KCNC1: variants seen among roughly 807,000 people sequenced by gnomAD.
KCNC1 encodes the protein voltage-gated potassium channel KCNC1.
KCNC1 carries 8 observed loss-of-function variants against 43.4 expected under a neutral mutation model. The ratio of observed to expected loss-of-function variants is 0.18; its 90% CI spans 0.11 to 0.33. The LOEUF is 0.33. Ranked by LOEUF, KCNC1 falls within the 10% of genes least tolerant of loss-of-function variation. KCNC1 has a pLI of 1.00. For missense variants in KCNC1, 420 were observed against 836.0 expected (o/e 0.50, Z 6.14); for synonymous variants, 361 against 360.5 (o/e 1.00, Z -0.01).
intron 1 of KCNC1, among the ~76,000 whole-genome samples, chr11:17,750,559 C>G (rs1265967873): frequency 6.6e-6 from 1 of 152,182 alleles, no homozygotes; most frequent in Non-Finnish European, 1.5e-5. Context: ...TTTGTGCTGG[C>G]TTACTGACAC....
At chr11:17,749,958 G>T (rs545666313) in intron 1 of KCNC1, among the ~76,000 whole-genome samples, 1 of 152,248 alleles carries the variant, frequency 6.6e-6, no homozygotes, top group South Asian at 2.1e-4. Context: ...TGAGTGCCAT[G>T]TGCAGGAAGA....
In KCNC1 at chr11:17,735,839, C is replaced by A; in HGVS notation, c.-164C>A. 1 of 757,016 alleles carries A rather than the reference C, an allele frequency of 1.3e-6. No individual in the cohort carries two copies. Among genetic ancestry groups the A allele is most frequent in the Non-Finnish European group, 1.9e-6 (1 of 516,372 alleles). 46.9% of individuals were successfully genotyped at this position (757,016 alleles called of 1,614,324 possible). ...GCACCCGACAAAGCGCCCGGAGAGG[C>A]TTGGCTCGCTCGTTGGGGTGGCCAG... On this transcript the variant is annotated 5_prime_UTR_variant, in exon 1 of 4. Coordinates refer to ENST00000265969, the MANE Select transcript of KCNC1 (RefSeq NM_001112741.2). The surrounding 1 kb of genome is among the most constrained non-coding windows in gnomAD (Gnocchi z 6.7).
In KCNC1 at chr11:17,779,400, T is replaced by C. The variant is rs2133810336; in HGVS notation, c.1505-56T>C. 4 of 1,215,194 alleles carry C rather than the reference T, an allele frequency of 3.3e-6. No individual in the cohort carries two copies. Among genetic ancestry groups the C allele is most frequent in the Non-Finnish European group, 3.3e-6 (3 of 918,356 alleles). The allele number at this position is 1,215,194 out of a possible 1,614,324, so 75.3% of individuals were successfully genotyped here. A position where few individuals can be genotyped will look rare whatever the true frequency, so the allele number is the denominator to read the frequency against. On this transcript the variant is annotated intron_variant, in intron 2 of 3. Coordinates refer to ENST00000265969, the MANE Select transcript of KCNC1 (RefSeq NM_001112741.2). The surrounding 1 kb of genome is among the most constrained non-coding windows in gnomAD (Gnocchi z 7.2). ...ACCCCGCTTCTGGCCTGTCCCCCCC[T>C]GCCCCCCACTAAACAGTTTTCAGTG... is the stretch of plus-strand genomic sequence containing the variant.
chr11:17,774,126 C>T, intron 2 of KCNC1: 4 of 985,620 alleles, frequency 4.1e-6, no homozygotes, highest in Non-Finnish European at 4.8e-6. Context: ...CTGCCGCATA[C>T]CCTTCCCTTC....
chr11:17,753,187 G>A (rs118057806), intron 1 of KCNC1, among the ~76,000 whole-genome samples: 3,387 of 152,350 alleles, frequency 0.022, 44 homozygotes, highest in Admixed American at 0.03. Context: ...TCATTTTGCA[G>A]ATGGGGAAAC....
intron 2 of KCNC1, among the ~76,000 whole-genome samples, chr11:17,778,380 A>C (rs921190163): frequency 9.4e-4 from 143 of 152,274 alleles, no homozygotes; most frequent in African/African-American, 3.2e-3. Context: ...TCCCCCACCC[A>C]AGTCCATCAG....
At chr11:17,762,353 G>A (rs1009651112) in intron 1 of KCNC1, among the ~76,000 whole-genome samples, 4 of 152,232 alleles carry the variant, frequency 2.6e-5, no homozygotes, top group African/African-American at 9.6e-5. Context: ...GGACCAGGGC[G>A]GGAGGGTCCA....
intron 1 of KCNC1, among the ~76,000 whole-genome samples, chr11:17,748,914 C>T (rs1010922104): frequency 6.6e-6 from 1 of 152,148 alleles, no homozygotes; most frequent in East Asian, 1.9e-4. Context: ...GTCCCATACA[C>T]GGTTCTCTGA....
chr11:17,772,515 C>T lies in KCNC1; in HGVS notation c.1421C>T (p.Ser474Phe). 1 of 1,614,224 alleles carries T rather than the reference C, an allele frequency of 6.2e-7. No individual in the cohort carries two copies. Among genetic ancestry groups the T allele is most frequent in the Non-Finnish European group, 8.5e-7 (1 of 1,180,036 alleles). The change falls in exon 2 of 4, where the codon TCT (serine) becomes TTT (phenylalanine). Residue 474 changes from serine to phenylalanine, a missense_variant. Ser to Phe is a radical substitution (Grantham distance 155). This residue lies in a region of KCNC1 where 147 missense variants were observed against 176.1 expected (regional missense o/e 0.83). Coordinates refer to ENST00000265969, the MANE Select transcript of KCNC1 (RefSeq NM_001112741.2). ...CTGGGATCTCCCAATTATTGTAAAT[C>T]TGTCGTAAACTCTCCACACCACAGT... The part of the protein sequence containing the change: ...PQLGSPNYCK[S>F]VVNSPHHSTQ...
At position 17,735,797 on chromosome 11, in the gene KCNC1, C is replaced by T; in HGVS notation, c.-206C>T. ...TCCTAGAGACCCCTGGGATCCCGCG[C>T]ACATTCCCCTGGACCGGCACCCGAC... On this transcript the variant is annotated 5_prime_UTR_variant, in exon 1 of 4. Transcript: ENST00000265969. The surrounding 1 kb of genome is among the most constrained non-coding windows in gnomAD (Gnocchi z 6.7). 2.0e-6 allele frequency: 1 copy of T among 496,896 alleles called. No individual in the cohort carries two copies. Among genetic ancestry groups the T allele is most frequent in the South Asian group, 4.4e-5 (1 of 22,812 alleles). The allele number at this position is 496,896 out of a possible 1,614,324, so 30.8% of individuals were successfully genotyped here. A position where few individuals can be genotyped will look rare whatever the true frequency, so the allele number is the denominator to read the frequency against.
chr11:17,751,613 A>G (rs1565157201), intron 1 of KCNC1, among the ~76,000 whole-genome samples: 1 of 152,144 alleles, frequency 6.6e-6, no homozygotes, highest in Non-Finnish European at 1.5e-5. Flanking sequence ...GTGGAGTGAG[A>G]GAGCTGGGAG....
At chr11:17,753,630 C>T (rs1848992778) in intron 1 of KCNC1, among the ~76,000 whole-genome samples, 1 of 152,228 alleles carries the variant, frequency 6.6e-6, no homozygotes, top group Non-Finnish European at 1.5e-5. Flanking sequence ...TCCCATTGCG[C>T]CTCTTCAAAA....
chr11:17,774,275 G>A (rs773628753), intron 2 of KCNC1: 34 of 985,376 alleles, frequency 3.5e-5, no homozygotes, highest in African/African-American at 1.0e-4. Context: ...TAGGAGGAAC[G>A]CGTGGGCTGG....
At chr11:17,774,135 T>G (rs1277001881) in intron 2 of KCNC1, 2 of 985,446 alleles carry the variant, frequency 2.0e-6, no homozygotes, top group Non-Finnish European at 2.4e-6. Context: ...ACCCTTCCCT[T>G]CCTGGGATTT....
At chr11:17,738,867 A>T (rs1443784385) in intron 1 of KCNC1, among the ~76,000 whole-genome samples, 2 of 152,160 alleles carry the variant, frequency 1.3e-5, no homozygotes, top group Non-Finnish European at 2.9e-5. Context: ...AGCCTGTCTG[A>T]GCCACCTTCT....
At chr11:17,756,551 ACACACACG>A (rs1423518981) in intron 1 of KCNC1, among the ~76,000 whole-genome samples, 3 of 136,828 alleles carry the variant, frequency 2.2e-5, no homozygotes, top group Admixed American at 7.9e-5. Context: ...ACACACACAC[ACACACACG>A]CATGTACATT....
chr11:17,766,911 G>A (rs10444250), intron 1 of KCNC1, among the ~76,000 whole-genome samples: 83,073 of 148,422 alleles, frequency 0.56, 24,637 homozygotes, highest in East Asian at 0.88. Context: ...CCTGAGGTCA[G>A]GAGTTCAAGA....
intron 1 of KCNC1, among the ~76,000 whole-genome samples, chr11:17,750,908 G>T (rs1848961302): frequency 6.6e-6 from 1 of 152,194 alleles, no homozygotes; most frequent in African/African-American, 2.4e-5. Flanking sequence ...TTGATCCACT[G>T]ACTATCATTC....
intron 2 of KCNC1, chr11:17,774,101 C>T: frequency 1.0e-6 from 1 of 985,600 alleles, no homozygotes; most frequent in Non-Finnish European, 1.2e-6. Context: ...ATGGGGGTTT[C>T]CCGGTCCTTT....
Sources: gnomAD v4.1 joint callset for allele counts (sites outside exome capture counted in the v4.1 genomes callset) on GRCh38, gnomAD v4.1.1 for gene constraint, gnomAD v4.1.1 regional missense constraint, Gnocchi (gnomAD v3.1) non-coding constraint, MANE v1.5 for transcripts, NCBI Gene and HGNC (gene_info 2026-07-23, HGNC 2026-07-21) for gene names.